Variants in PRDM2 observed in about 807,000 individuals in gnomAD.
PRDM2 encodes the protein PR/SET domain 2.
In PRDM2, 30 loss-of-function variants were observed where a neutral mutation model predicts 130.0. The observed-to-expected ratio is 0.23, with a 90% CI of 0.17 to 0.31. The LOEUF is 0.31. Ranked by LOEUF, PRDM2 falls within the 10% of genes least tolerant of loss-of-function variation. PRDM2 has a pLI of 1.00. For missense variants in PRDM2, 2,011 were observed against 2,108.4 expected (o/e 0.95, Z 0.90); for synonymous variants, 871 against 782.4 (o/e 1.11, Z -1.89).
intron 6 of PRDM2, among the ~76,000 whole-genome samples, chr1:13,752,078 G>T (rs552502208): frequency 1.3e-5 from 2 of 152,014 alleles, no homozygotes; most frequent in Non-Finnish European, 2.9e-5. Flanking sequence ...AAGCAGCGGC[G>T]ACTCTTCTTA....
intron 1 of PRDM2, among the ~76,000 whole-genome samples, chr1:13,706,569 G>C (rs1569657597): frequency 6.6e-6 from 1 of 152,288 alleles, no homozygotes; most frequent in Non-Finnish European, 1.5e-5. Context: ...GTCAAGTTTA[G>C]ATTTAACCTG....
intron 1 of PRDM2, among the ~76,000 whole-genome samples, chr1:13,707,854 G>A (rs1213826706): frequency 5.3e-5 from 8 of 150,950 alleles, no homozygotes; most frequent in Non-Finnish European, 1.0e-4. Context: ...TGGAGGGGAG[G>A]AATATCCTAT....
Position 13,781,196 on chromosome 1 carries a change from T to G in PRDM2, c.3401T>G (p.Phe1134Cys). The G allele has an allele frequency of 6.2e-7, 1 of 1,614,210 alleles. No individual in the cohort carries two copies. Among genetic ancestry groups the G allele is most frequent in the Non-Finnish European group, 8.5e-7 (1 of 1,180,040 alleles). Residue 1134 changes from phenylalanine (F) to cysteine (C), a missense_variant, in exon 8 of 10, where the codon TTT (phenylalanine) becomes TGT (cysteine). This residue lies in a region of PRDM2 where 229 missense variants were observed against 364.1 expected (regional missense o/e 0.63). Coordinates refer to ENST00000311066, the MANE Select transcript of PRDM2 (RefSeq NM_001393986.1). This position sits in a 1 kb window ranked among gnomAD's most constrained non-coding sequence, Gnocchi z 6.1. ...GTTCAGGAAACATTCAACAAAAACT[T>G]TGTTTGCAACGTCTGTGAATCACCT... ...VVVQETFNKN[F>C]VCNVCESPFL...
intron 6 of PRDM2, among the ~76,000 whole-genome samples, chr1:13,770,855 A>C (rs921901991): frequency 6.6e-6 from 1 of 152,216 alleles, no homozygotes; most frequent in Non-Finnish European, 1.5e-5. Flanking sequence ...CATGGTAATA[A>C]AAGAAGCCGT....
chr1:13,700,214 C>CGGCGCG lies in PRDM2; in HGVS notation c.-150_-145dup, dbSNP rs1309216073. ...CTTCCGACTGGAGTCAAGATGGCGG[C>CGGCGCG]GGCGCGGCCGCGGGCGCCGGGGCCG... is the stretch of plus-strand genomic sequence containing the variant. On this transcript the variant is annotated 5_prime_UTR_variant, in exon 1 of 10. Transcript: ENST00000311066. The CGGCGCG allele has an allele frequency of 6.5e-6, 1 of 152,908 alleles. No homozygotes were observed. The highest frequency in any genetic ancestry group is 1.5e-5 in the Non-Finnish European group (1 of 68,382). The allele number at this position is 152,908 out of a possible 1,614,324, so 9.5% of individuals were successfully genotyped here.
intron 8 of PRDM2, among the ~76,000 whole-genome samples, chr1:13,795,156 G>A (rs1316456783): frequency 1.3e-5 from 2 of 152,176 alleles, no homozygotes; most frequent in East Asian, 1.9e-4. Context: ...TAAGAAGAAA[G>A]CATTTCATTA....
chr1:13,715,140 T>C (rs781228544), intron 1 of PRDM2, among the ~76,000 whole-genome samples: 3 of 152,186 alleles, frequency 2.0e-5, no homozygotes, highest in Non-Finnish European at 4.4e-5. Context: ...AATAATGTAA[T>C]GGGGTCTAAT....
chr1:13,742,159 T>G lies in PRDM2; in HGVS notation c.384+2T>G. On this transcript the variant is annotated splice_donor_variant, in intron 5 of 9. Transcript: ENST00000311066. LOFTEE classifies it high-confidence loss of function. ...GCCATTTACTATAAAACTTTAAAGG[T>G]AACAGCATTAGAATTAATTTACTGT... The G allele has an allele frequency of 6.2e-7, 1 of 1,611,526 alleles. No individual in the cohort carries two copies. The highest frequency in any genetic ancestry group is 8.5e-7 in the Non-Finnish European group (1 of 1,178,212).
chr1:13,780,602 C>T lies in PRDM2; in HGVS notation c.2807C>T (p.Pro936Leu). The change falls in exon 8 of 10, where the codon CCT (proline) becomes CTT (leucine). Residue 936 changes from proline (P) to leucine (L), a missense_variant. Physicochemically the swap from Pro to Leu is moderately conservative, Grantham distance 98 (BLOSUM62 -3). Coordinates refer to ENST00000311066, the MANE Select transcript of PRDM2 (RefSeq NM_001393986.1). ...GGTCCGGGCTCTGGTTTCCCTGCCC[C>T]TACTGTTGAGTCCACACCTGATGTT... ...DLGPGSGFPA[P>L]TVESTPDVCP... The T allele has an allele frequency of 6.2e-7, 1 of 1,614,088 alleles. No homozygotes were observed. Among genetic ancestry groups the T allele is most frequent in the Non-Finnish European group, 8.5e-7 (1 of 1,180,008 alleles).
intron 8 of PRDM2, among the ~76,000 whole-genome samples, chr1:13,808,258 G>A (rs1207953887): frequency 2.6e-5 from 4 of 152,198 alleles, no homozygotes; most frequent in South Asian, 2.1e-4. Context: ...TTGGGAGGCC[G>A]AGGCGGGCGG....
At position 13,806,551 on chromosome 1, in the gene PRDM2, T is replaced by A. The variant is rs1246094640; in HGVS notation, c.5037-9876T>A. ...TCCTGCTTGGAGTCCAGCTACCAGCTAGACTCCAACCTCTTCCTCCATCCC... is the reference window on the plus strand; with the variant it reads ...TCCTGCTTGGAGTCCAGCTACCAGCAAGACTCCAACCTCTTCCTCCATCCC... On this transcript the variant is annotated intron_variant, in intron 8 of 9. Transcript: ENST00000311066. The surrounding 1 kb of genome is among the most constrained non-coding windows in gnomAD (Gnocchi z 4.1). Among the ~76,000 whole-genome samples the A allele has an allele frequency of 4.6e-5, 7 of 152,146 alleles. No individual in the cohort carries two copies. The highest frequency in any genetic ancestry group is 7.4e-5 in the Non-Finnish European group (5 of 68,010).
At chr1:13,807,268 C>T (rs1645099074) in intron 8 of PRDM2, among the ~76,000 whole-genome samples, 1 of 152,182 alleles carries the variant, frequency 6.6e-6, no homozygotes, top group Non-Finnish European at 1.5e-5. Flanking sequence ...CACTAAAACT[C>T]CTGTTGGCAA....
chr1:13,780,279 C>A lies in PRDM2; in HGVS notation c.2484C>A (p.Ser828Arg). ...VCNQQPLDLS[S>R]GVKQKAEGTG... ...ACCAGCAGCCACTGGATTTATCCAG[C>A]GGTGTCAAACAGAAGGCTGAGGGTA... The change falls in exon 8 of 10, where the codon AGC (serine) becomes AGA (arginine). Residue 828 changes from serine to arginine, a missense_variant. Physicochemically the swap from Ser to Arg is moderately radical, Grantham distance 110 (BLOSUM62 -1). Transcript: ENST00000311066. The A allele has an allele frequency of 6.2e-7, 1 of 1,614,036 alleles. No homozygotes were observed. The highest frequency in any genetic ancestry group is 1.6e-4 in the Middle Eastern group (1 of 6,062).
Position 13,779,247 on chromosome 1 carries a change from G to A in PRDM2, c.1452G>A (p.Pro484=), listed in dbSNP as rs983292077. The change falls in exon 8 of 10, where the codon CCG becomes CCA. Residue 484 remains proline (P), a synonymous_variant. Transcript: ENST00000311066. The surrounding 1 kb of genome is among the most constrained non-coding windows in gnomAD (Gnocchi z 4.9). ...EENGEVKELH[P]CKYCKKVFGT... ...ATGGGGAAGTTAAAGAACTTCATCC[G>A]TGCAAATATTGTAAAAAGGTTTTTG... 1.4e-5 allele frequency: 22 copies of A among 1,613,986 alleles called. No homozygotes were observed. The highest frequency in any genetic ancestry group is 1.8e-5 in the Non-Finnish European group (21 of 1,180,012).
At position 13,780,870 on chromosome 1, in the gene PRDM2, A is replaced by G. The variant is rs751747134; in HGVS notation, c.3075A>G (p.Pro1025=). The G allele has an allele frequency of 2.5e-6, 4 of 1,603,634 alleles. No homozygotes were observed. Among genetic ancestry groups the G allele is most frequent in the Non-Finnish European group, 2.5e-6 (3 of 1,176,962 alleles). ...AGTCCCCACTTCCAATTCTGTCCCC[A>G]ACAGTGTCCCCCTCTCCCTCTCCCA... The part of the protein sequence containing the change: ...TAQSPLPILS[P]TVSPSPSPIP... Residue 1025 remains proline (P), a synonymous_variant, in exon 8 of 10, where the codon CCA becomes CCG. Transcript: ENST00000311066.
At chr1:13,802,892 G>A (rs1645029197) in intron 8 of PRDM2, among the ~76,000 whole-genome samples, 1 of 152,200 alleles carries the variant, frequency 6.6e-6, no homozygotes, top group South Asian at 2.1e-4. Context: ...CAGGATTTGG[G>A]GCAGCCTAGA....
intron 5 of PRDM2, among the ~76,000 whole-genome samples, 155 bp from the exon 6 acceptor site, chr1:13,749,206 G>GGGCCGGGAGCCCTTCCTGCC (rs1643717440): frequency 6.6e-6 from 1 of 151,004 alleles, no homozygotes; most frequent in African/African-American, 2.4e-5. Context: ...GGCCCGCACG[G>GGGCCGGGAGCCCTTCCTGCC]GGCCGGGAGC....
At chr1:13,702,408 G>GT (rs558104228) in intron 1 of PRDM2, among the ~76,000 whole-genome samples, 339 of 152,242 alleles carry the variant, frequency 2.2e-3, no homozygotes, top group Non-Finnish European at 4.1e-3. Context: ...TTGTTTGAAA[G>GT]TTTTTTTAAA....
In PRDM2 at chr1:13,824,121, G is replaced by A. The variant is rs377688618; in HGVS notation, c.*986G>A. On this transcript the variant is annotated 3_prime_UTR_variant, in exon 10 of 10. Coordinates refer to ENST00000311066, the MANE Select transcript of PRDM2 (RefSeq NM_001393986.1). Reference sequence around the variant, plus strand: ...GGCTGACTCCTGCTCTCTGGAGGACGGTCAGTCCATGTCTCGGAGAAACGG... The same window carrying A: ...GGCTGACTCCTGCTCTCTGGAGGACAGTCAGTCCATGTCTCGGAGAAACGG... The A allele has an allele frequency of 6.5e-6, 1 of 152,676 alleles. No individual in the cohort carries two copies. Among genetic ancestry groups the A allele is most frequent in the African/African-American group, 2.4e-5 (1 of 41,458 alleles). The allele number at this position is 152,676 out of a possible 1,614,324, so 9.5% of individuals were successfully genotyped here.
Sources: allele counts gnomAD v4.1 joint callset (sites outside exome capture counted in the v4.1 genomes callset), GRCh38; gene constraint gnomAD v4.1.1; regional missense constraint gnomAD v4.1.1; non-coding constraint Gnocchi (gnomAD v3.1); transcripts MANE v1.5; gene names NCBI Gene and HGNC (gene_info 2026-07-23, HGNC 2026-07-21).